Variants in CACNB2 observed in about 807,000 individuals in gnomAD.
CACNB2 encodes the protein voltage-dependent L-type calcium channel subunit beta-2.
In CACNB2, 42 loss-of-function variants were observed where a neutral mutation model predicts 73.3. That is an observed-to-expected ratio of 0.57 (90% CI 0.45 to 0.74). The LOEUF (loss-of-function observed/expected upper bound fraction) is 0.74, where lower values mean the gene tolerates loss of function less well. Ranked by LOEUF, CACNB2 falls within the 30% of genes least tolerant of loss-of-function variation. CACNB2 has a pLI of 0.00. For synonymous variants in CACNB2, 348 were observed against 310.3 expected (o/e 1.12, Z -1.28); for missense variants, 940 against 853.0 (o/e 1.10, Z -1.27).
chr10:18,221,197 T>C lies in CACNB2; in HGVS notation c.213+70222T>C, dbSNP rs183509591. Among the ~76,000 whole-genome samples, 551 of 152,312 alleles carry C rather than the reference T, an allele frequency of 3.6e-3. 3 individuals are homozygous for C. Among genetic ancestry groups the C allele is most frequent in the African/African-American group, 0.012 (499 of 41,562 alleles). On this transcript the variant is annotated intron_variant, in intron 2 of 13. Coordinates refer to ENST00000324631, the MANE Select transcript of CACNB2 (RefSeq NM_201596.3). ...CTCGAATCTTAAGAATTTTCAAAAC[T>C]TGACACCTGCTTCCATTCTAGCGTG...
intron 3 of CACNB2, among the ~76,000 whole-genome samples, chr10:18,450,446 AG>A (rs1435263642): frequency 6.6e-6 from 1 of 152,070 alleles, no homozygotes; most frequent in Non-Finnish European, 1.5e-5. Context: ...ATGTCGAAAC[AG>A]TGTGATGGGG....
chr10:18,527,603 G>C lies in CACNB2; in HGVS notation c.960G>C (p.Arg320Ser). 6.2e-7 allele frequency: 1 copy of C among 1,613,272 alleles called. No homozygotes were observed. Among genetic ancestry groups the C allele is most frequent in the Non-Finnish European group, 8.5e-7 (1 of 1,179,364 alleles). Residue 320 changes from arginine (R) to serine (S), a missense_variant, in exon 10 of 14, where the codon AGG (arginine) becomes AGC (serine). Coordinates refer to ENST00000324631, the MANE Select transcript of CACNB2 (RefSeq NM_201596.3). ...CCTCCAACAGGATATCCATCACAAG[G>C]GTCACCGCTGACATCTCGCTTGCCA... ...HRFEGRISIT[R>S]VTADISLAKR...
intron 2 of CACNB2, among the ~76,000 whole-genome samples, chr10:18,263,137 C>T (rs1484556522): frequency 6.6e-6 from 1 of 152,138 alleles, no homozygotes; most frequent in Non-Finnish European, 1.5e-5. Context: ...TTTAACCTCT[C>T]TTCTTTGACA....
At chr10:18,414,483 CTTTTTT>C (rs11384501) in intron 3 of CACNB2, among the ~76,000 whole-genome samples, 56 of 132,200 alleles carry the variant, frequency 4.2e-4, no homozygotes, top group Non-Finnish European at 3.3e-4. Flanking sequence ...TTACTACTAC[CTTTTTT>C]TTTTTTTTTT....
intron 10 of CACNB2, among the ~76,000 whole-genome samples, 153 bp downstream of exon 10, chr10:18,527,850 C>T (rs565330284): frequency 6.6e-6 from 1 of 152,186 alleles, no homozygotes; most frequent in Non-Finnish European, 1.5e-5. Context: ...TTACTGATTT[C>T]ATGGTGTGGA....
At chr10:18,223,797 G>C (rs1387646622) in intron 2 of CACNB2, among the ~76,000 whole-genome samples, 1 of 152,028 alleles carries the variant, frequency 6.6e-6, no homozygotes, top group Non-Finnish European at 1.5e-5. Flanking sequence ...TTCAATTTCA[G>C]AGACAGAATC....
In CACNB2 at chr10:18,308,264, G is replaced by A. The variant is rs143870127; in HGVS notation, c.214-93660G>A. On this transcript the variant is annotated intron_variant, in intron 2 of 13. Coordinates refer to ENST00000324631, the MANE Select transcript of CACNB2 (RefSeq NM_201596.3). ...CTGCCTTGGCCTCCCAAATTGCTGG[G>A]ATTATAGGCGTGAACCACCACGCCC... Among the ~76,000 whole-genome samples the A allele has an allele frequency of 7.1e-3, 1,085 of 152,136 alleles. 6 individuals carry two copies. The highest frequency in any genetic ancestry group is 0.012 in the Non-Finnish European group (817 of 67,992).
intron 2 of CACNB2, among the ~76,000 whole-genome samples, chr10:18,378,651 C>T (rs753071001): frequency 3.9e-5 from 6 of 151,978 alleles, no homozygotes; most frequent in African/African-American, 9.7e-5. Context: ...CTCGGGAGGC[C>T]GAGGTGGGAG....
intron 2 of CACNB2, among the ~76,000 whole-genome samples, chr10:18,210,873 T>C (rs1388091273): frequency 6.6e-6 from 1 of 152,188 alleles, no homozygotes; most frequent in Non-Finnish European, 1.5e-5. Context: ...AGCGTATGGC[T>C]TTTGGACTCA....
intron 2 of CACNB2, among the ~76,000 whole-genome samples, chr10:18,396,748 G>A (rs2132492104): frequency 6.6e-6 from 1 of 152,352 alleles, no homozygotes; most frequent in African/African-American, 2.4e-5. Context: ...TGGGATTACA[G>A]TTGTGAGCTA....
At chr10:18,297,506 T>A (rs1380464183) in intron 2 of CACNB2, among the ~76,000 whole-genome samples, 2 of 152,184 alleles carry the variant, frequency 1.3e-5, no homozygotes, top group Non-Finnish European at 2.9e-5. Context: ...TGTAGTGAGC[T>A]ATGATCATGA....
At chr10:18,281,688 TG>T (rs1241365392) in intron 2 of CACNB2, among the ~76,000 whole-genome samples, 4 of 152,136 alleles carry the variant, frequency 2.6e-5, no homozygotes, top group African/African-American at 9.7e-5. Flanking sequence ...TGGATGTTTC[TG>T]GGAGACAGAG....
At chr10:18,461,232 C>T (rs936636934) in intron 3 of CACNB2, among the ~76,000 whole-genome samples, 13 of 152,184 alleles carry the variant, frequency 8.5e-5, no homozygotes, top group African/African-American at 2.2e-4. Flanking sequence ...TCTATCTTTA[C>T]ACCAGCATCC....
In CACNB2 at chr10:18,502,400, A is replaced by AAT. The variant is rs1589568649; in HGVS notation, c.593+1453_593+1454insTA. Among the ~76,000 whole-genome samples, 6 of 151,578 alleles carry AAT rather than the reference A, an allele frequency of 4.0e-5. No individual in the cohort carries two copies. In the East Asian group the frequency reaches 1.2e-3, roughly 30 times the overall value. On this transcript the variant is annotated intron_variant, in intron 5 of 13. Transcript: ENST00000324631. ...CAAACTAACACAGGAATAGAAAACC[A>AAT]AATACGGGGGCCACGTGCGGTGGCT...
intron 2 of CACNB2, among the ~76,000 whole-genome samples, chr10:18,179,742 G>A (rs1671250271): frequency 6.6e-6 from 1 of 152,052 alleles, no homozygotes; most frequent in African/African-American, 2.4e-5. Context: ...ACACGTGCAT[G>A]CCAATATTTA....
chr10:18,164,078 TA>T (rs1181787784), intron 2 of CACNB2, among the ~76,000 whole-genome samples: 1 of 152,198 alleles, frequency 6.6e-6, no homozygotes. Context: ...GCAAGGTTAT[TA>T]CAGAGTTTTG....
intron 1 of CACNB2, chr10:18,141,156 C>T (rs982164145): frequency 1.3e-6 from 2 of 1,519,452 alleles, no homozygotes; most frequent in Non-Finnish European, 8.9e-7. Flanking sequence ...CTCGCCCCTT[C>T]CCGGGAGAGG....
chr10:18,357,730 C>G (rs568782585), intron 2 of CACNB2, among the ~76,000 whole-genome samples: 1 of 152,138 alleles, frequency 6.6e-6, no homozygotes, highest in Non-Finnish European at 1.5e-5. Context: ...AGTCAAAGAT[C>G]GTGAGAGGAG....
intron 2 of CACNB2, among the ~76,000 whole-genome samples, chr10:18,294,389 C>A (rs991883674): frequency 7.9e-5 from 12 of 152,222 alleles, no homozygotes; most frequent in African/African-American, 2.9e-4. Context: ...AAGGGTTCGA[C>A]ATTCATTCAA....
Sources: gnomAD v4.1 joint callset for allele counts (sites outside exome capture counted in the v4.1 genomes callset) on GRCh38, gnomAD v4.1.1 for gene constraint, MANE v1.5 for transcripts, NCBI Gene and HGNC (gene_info 2026-07-23, HGNC 2026-07-21) for gene names.